The following C1orf141 variants were observed in gnomAD, a reference collection of about 807,000 sequenced individuals.
The protein encoded by C1orf141 is chromosome 1 open reading frame 141.
In C1orf141, 19 loss-of-function variants were observed where a neutral mutation model predicts 23.2. The observed-to-expected ratio is 0.82, with a 90% CI of 0.57 to 1.20. The LOEUF (loss-of-function observed/expected upper bound fraction) is 1.20. Ranked by LOEUF, C1orf141 falls within the 50% of genes most tolerant of loss-of-function variation. C1orf141 has a pLI of 0.00. For missense variants in C1orf141, 469 were observed against 455.1 expected, an observed-to-expected ratio of 1.03 and a Z score of -0.28; for synonymous variants, 153 against 154.6, an observed-to-expected ratio of 0.99 and a Z score of 0.08.
chr1:67,093,971 A>G, intron 7 of C1orf141: 1 of 154,972 alleles, frequency 6.5e-6, no homozygotes, highest in East Asian at 1.9e-4. Flanking sequence ...GAAATTAAAA[A>G]GCATACCAAA....
At position 67,125,759 on chromosome 1, in the gene C1orf141, AT is replaced by A. The variant is rs1402617690; in HGVS notation, c.225del (p.Lys75AsnfsTer24). 6.2e-7 allele frequency: 1 copy of A among 1,613,774 alleles called. No homozygotes were observed. The highest frequency in any genetic ancestry group is 1.1e-5 in the South Asian group (1 of 91,082). ...GGTGGTTATGATAGTTACATTTTTG[AT>A]TTTGTAATGCTGCATGACTTGTCTT... ...IKEDKSCSIT[K>X]SKMHVSFKCE... On this transcript the variant is annotated frameshift_variant, in exon 4 of 8. Transcript: ENST00000684719. LOFTEE classifies it high-confidence loss of function.
chr1:67,125,845 T>C lies in C1orf141; in HGVS notation c.140A>G (p.Gln47Arg). Residue 47 changes from glutamine to arginine, a missense_variant, in exon 4 of 8, where the codon CAG becomes CGG. Transcript: ENST00000684719. ...AGCAAGAGCTTCTTCAAATTCCAAC[T>C]GAAAATCAAATGTCAGGGGTATAGC... Reference protein sequence around the residue: ...TMAIPLTFDFQLEFEEALATS... With the variant: ...TMAIPLTFDFRLEFEEALATS... The C allele has an allele frequency of 1.2e-6, 2 of 1,612,194 alleles. No individual in the cohort carries two copies. The highest frequency in any genetic ancestry group is 8.5e-7 in the Non-Finnish European group (1 of 1,179,748).
intron 1 of C1orf141, among the ~76,000 whole-genome samples, chr1:67,140,182 AAGAT>A (rs1172231804): frequency 1.3e-5 from 2 of 152,244 alleles, no homozygotes; most frequent in African/African-American, 4.8e-5. Context: ...AAAATGGACT[AAGAT>A]AGCATCTTGC....
At chr1:67,117,490 G>T (rs1043574749) in intron 4 of C1orf141, among the ~76,000 whole-genome samples, 1 of 152,020 alleles carries the variant, frequency 6.6e-6, no homozygotes, top group East Asian at 1.9e-4. Context: ...TCTTATCATC[G>T]TACTTTTTAA....
chr1:67,135,442 C>T (rs544568672), upstream of C1orf141, among the ~76,000 whole-genome samples: 14 of 152,250 alleles, frequency 9.2e-5, no homozygotes, highest in African/African-American at 3.4e-4. Context: ...GCCAAGAAAC[C>T]TCCCGTGTGG....
In C1orf141 at chr1:67,093,498, A is replaced by C. The variant is rs1413303679; in HGVS notation, c.710T>G (p.Ile237Ser). 3.7e-6 allele frequency: 6 copies of C among 1,608,586 alleles called. No homozygotes were observed. The highest frequency in any genetic ancestry group is 5.1e-6 in the Non-Finnish European group (6 of 1,175,822). The change falls in exon 8 of 8, where the codon ATT becomes AGT. Residue 237 changes from isoleucine to serine, a missense_variant. Physicochemically the swap from Ile to Ser is moderately radical, Grantham distance 142 (BLOSUM62 -2). Coordinates refer to ENST00000684719, the MANE Select transcript of C1orf141 (RefSeq NM_001276351.2). ...GAAATTTGTTCTTTTATGTGGGTAA[A>C]TGTTTTCATTTTCCAAAGGATGAGA... ...FSSHPLENEN[I>S]YPHKRTNFIL...
At chr1:67,100,625 C>T (rs184710565) in intron 5 of C1orf141, among the ~76,000 whole-genome samples, 4 of 152,144 alleles carry the variant, frequency 2.6e-5, no homozygotes, top group Non-Finnish European at 5.9e-5. Context: ...ATTATGACCT[C>T]TCTTTGCTAA....
intron 5 of C1orf141, among the ~76,000 whole-genome samples, chr1:67,110,138 T>C (rs1646035582): frequency 6.6e-6 from 1 of 152,140 alleles, no homozygotes; most frequent in Non-Finnish European, 1.5e-5. Context: ...CTGAATATAA[T>C]AGTTGACTTA....
chr1:67,117,761 A>G (rs1213918942), intron 4 of C1orf141, among the ~76,000 whole-genome samples: 1 of 152,202 alleles, frequency 6.6e-6, no homozygotes, highest in Non-Finnish European at 1.5e-5. Context: ...AAAAATACTT[A>G]TATTGCTAAA....
At chr1:67,121,686 A>G (rs963600580) in intron 4 of C1orf141, 2 of 152,232 alleles carry the variant, frequency 1.3e-5, no homozygotes, top group African/African-American at 4.8e-5. Flanking sequence ...GTGAGTGTTT[A>G]ATAAACATCT....
chr1:67,109,628 G>A (rs911535102), intron 5 of C1orf141, among the ~76,000 whole-genome samples: 1 of 152,134 alleles, frequency 6.6e-6, no homozygotes, highest in African/African-American at 2.4e-5. Context: ...CAAACTGCTG[G>A]GTTCTTCCTG....
chr1:67,138,336 G>C (rs1000668686), upstream of C1orf141, among the ~76,000 whole-genome samples: 12 of 152,176 alleles, frequency 7.9e-5, no homozygotes, highest in African/African-American at 2.7e-4. Context: ...ATGACCTTCT[G>C]TCTCTTTTAT....
chr1:67,127,929 C>T (rs952972397), intron 2 of C1orf141, among the ~76,000 whole-genome samples: 2 of 152,160 alleles, frequency 1.3e-5, no homozygotes, highest in South Asian at 2.1e-4. Flanking sequence ...GCCACCGTGC[C>T]TGGCCAGGAG....
chr1:67,125,616 C>A, intron 4 of C1orf141, 136 bp downstream of exon 4: 1 of 840,966 alleles, frequency 1.2e-6, no homozygotes. Flanking sequence ...GGAGAATCAC[C>A]TAAACCTGGG....
intron 1 of C1orf141, among the ~76,000 whole-genome samples, chr1:67,140,001 C>A (rs751953436): frequency 6.6e-6 from 1 of 152,308 alleles, no homozygotes; most frequent in South Asian, 2.1e-4. Flanking sequence ...AACCCCCTCA[C>A]CATGTGATGC....
At chr1:67,130,179 G>A (rs1467236627) in intron 2 of C1orf141, among the ~76,000 whole-genome samples, 1 of 152,094 alleles carries the variant, frequency 6.6e-6, no homozygotes, top group Non-Finnish European at 1.5e-5. Flanking sequence ...AAAACTCTCC[G>A]AGGAGTTTTA....
intron 5 of C1orf141, among the ~76,000 whole-genome samples, chr1:67,105,447 C>A (rs1645903825): frequency 6.6e-6 from 1 of 151,250 alleles, no homozygotes. Context: ...GCAACAGTAA[C>A]ATCTATCACC....
chr1:67,130,054 A>G (rs1036054645), intron 2 of C1orf141, among the ~76,000 whole-genome samples: 1 of 152,172 alleles, frequency 6.6e-6, no homozygotes, highest in Non-Finnish European at 1.5e-5. Context: ...GACTTTCTGG[A>G]TTTCTTACAG....
intron 1 of C1orf141, among the ~76,000 whole-genome samples, chr1:67,134,547 G>C (rs1456534004): frequency 6.6e-5 from 10 of 152,150 alleles, no homozygotes; most frequent in Non-Finnish European, 2.9e-5. Context: ...TCTCTTGCCC[G>C]GCCCCGAGTC....
Sources: gnomAD v4.1 joint callset for allele counts (sites outside exome capture counted in the v4.1 genomes callset) on GRCh38, gnomAD v4.1.1 for gene constraint, MANE v1.5 for transcripts, NCBI Gene and HGNC (gene_info 2026-07-23, HGNC 2026-07-21) for gene names.